Variants in FAF1 observed in about 807,000 individuals in gnomAD.
The protein encoded by FAF1 is FAS-associated factor 1.
A neutral mutation model predicts 92.5 loss-of-function variants in FAF1; 25 were observed. The observed-to-expected ratio is 0.27, with a 90% CI of 0.20 to 0.38. The LOEUF (loss-of-function observed/expected upper bound fraction) is 0.38. Ranked by LOEUF, FAF1 falls within the 10% of genes least tolerant of loss-of-function variation. The pLI is 1.00. For synonymous variants in FAF1, 234 were observed against 273.2 expected, an observed-to-expected ratio of 0.86 and a Z score of 1.42; for missense variants, 636 against 793.3, an observed-to-expected ratio of 0.80 and a Z score of 2.38.
At chr1:50,587,349 C>T (rs1651284645) in intron 9 of FAF1, among the ~76,000 whole-genome samples, 1 of 152,124 alleles carries the variant, frequency 6.6e-6, no homozygotes, top group Admixed American at 6.5e-5. Context: ...AGGGAGGTAT[C>T]TAAAAAGCCA....
rs60454536 is a variant in FAF1, at chr1:50,889,494, G to A, written c.46-31497C>T. Among the ~76,000 whole-genome samples the A allele has an allele frequency of 7.2e-3, 1,095 of 152,168 alleles. 18 individuals are homozygous for A. Among genetic ancestry groups the A allele is most frequent in the African/African-American group, 0.025 (1,023 of 41,498 alleles). On this transcript the variant is annotated intron_variant, in intron 1 of 18. Coordinates refer to ENST00000396153, the MANE Select transcript of FAF1 (RefSeq NM_007051.3). Reference sequence around the variant, plus strand: ...TTAGATCTTTCCTGCTTTCTCTTGTGGGCATTTAGTGCTATAAATTTCCCT... The same window carrying A: ...TTAGATCTTTCCTGCTTTCTCTTGTAGGCATTTAGTGCTATAAATTTCCCT...
chr1:50,767,709 A>G (rs888726264), intron 4 of FAF1, among the ~76,000 whole-genome samples: 1 of 152,218 alleles, frequency 6.6e-6, no homozygotes, highest in Non-Finnish European at 1.5e-5. Context: ...ATCCTGCCAG[A>G]TTAAGCTTCA....
chr1:50,497,619 G>A (rs1307176798), intron 15 of FAF1, among the ~76,000 whole-genome samples: 1 of 141,678 alleles, frequency 7.1e-6, no homozygotes, highest in Non-Finnish European at 1.5e-5. Context: ...TGTGATCTCG[G>A]CTCATTGCAA....
chr1:50,856,445 T>C (rs1208650705), intron 2 of FAF1, among the ~76,000 whole-genome samples: 1 of 151,788 alleles, frequency 6.6e-6, no homozygotes, highest in Non-Finnish European at 1.5e-5. Context: ...TCATGCTTTG[T>C]TGGAGTATAG....
rs1288996784 is a variant in FAF1 at position 50,441,366 on chromosome 1, T to C, written c.*74A>G. The C allele has an allele frequency of 1.2e-6, 1 of 860,634 alleles. No homozygotes were observed. The highest frequency in any genetic ancestry group is 1.8e-6 in the Non-Finnish European group (1 of 566,918). 53.3% of individuals were successfully genotyped at this position (860,634 alleles called of 1,614,324 possible). A position where few individuals can be genotyped will look rare whatever the true frequency, so the allele number is the denominator to read the frequency against. ...TGAGTGAGACGAGCGTGTGGGTGGGTTGGCGAGGAGCCCTTCTCCTGACGC... is the reference window on the plus strand; with the variant it reads ...TGAGTGAGACGAGCGTGTGGGTGGGCTGGCGAGGAGCCCTTCTCCTGACGC... On this transcript the variant is annotated 3_prime_UTR_variant, in exon 19 of 19. Coordinates refer to ENST00000396153, the MANE Select transcript of FAF1 (RefSeq NM_007051.3).
chr1:50,613,937 A>C (rs1426533134), intron 8 of FAF1, among the ~76,000 whole-genome samples: 3 of 152,086 alleles, frequency 2.0e-5, no homozygotes, highest in African/African-American at 4.8e-5. Context: ...TCTATACTAA[A>C]AATACAAAAA....
intron 1 of FAF1, among the ~76,000 whole-genome samples, chr1:50,896,112 G>T (rs1305648743): frequency 6.6e-6 from 1 of 152,084 alleles, no homozygotes; most frequent in East Asian, 1.9e-4. Context: ...AATCATCCTT[G>T]TTTGTTATCA....
At chr1:50,548,998 A>T (rs1320609422) in intron 13 of FAF1, among the ~76,000 whole-genome samples, 3 of 152,208 alleles carry the variant, frequency 2.0e-5, no homozygotes, top group Admixed American at 6.5e-5. Flanking sequence ...TGTGTGCTTC[A>T]GAGTCAAAAT....
chr1:50,471,905 A>C (rs1214493125), intron 18 of FAF1, among the ~76,000 whole-genome samples: 1 of 152,174 alleles, frequency 6.6e-6, no homozygotes, highest in Non-Finnish European at 1.5e-5. Flanking sequence ...AGGAGAAGGG[A>C]AGAATGGAAA....
rs113979341 is a variant in FAF1 at position 50,803,412 on chromosome 1, G to A, written c.115-1735C>T. Reference sequence around the variant, plus strand: ...CCCATTTATTAATTTTGTAACCTTAGTATATTCACTGAACTTATCTGAGCC... The same window carrying A: ...CCCATTTATTAATTTTGTAACCTTAATATATTCACTGAACTTATCTGAGCC... On this transcript the variant is annotated intron_variant, in intron 2 of 18. Transcript: ENST00000396153. Among the ~76,000 whole-genome samples, 465 of 152,202 alleles carry A rather than the reference G, an allele frequency of 3.1e-3. 4 individuals are homozygous for A. The highest frequency in any genetic ancestry group is 0.011 in the African/African-American group (438 of 41,534).
rs575348493 is a variant in FAF1 at position 50,730,104 on chromosome 1, A to G, written c.551+8759T>C. 2.0e-5 allele frequency among the ~76,000 whole-genome samples: 3 copies of G among 152,284 alleles called. No homozygotes were observed. The East Asian group carries it at 5.8e-4, about 29-fold the overall frequency. ...GGAGGGTGAAGGGGGTTGGAGCAGC[A>G]TGCGGAATTTTTGACAACTAATTCA... On this transcript the variant is annotated intron_variant, in intron 6 of 18. Transcript: ENST00000396153.
At position 50,959,867 on chromosome 1, in the gene FAF1, G is replaced by C; in HGVS notation, c.-56C>G. On this transcript the variant is annotated 5_prime_UTR_variant, in exon 1 of 19. Transcript: ENST00000396153. ...CGAAGCGCGCACCTGGGAGGCAGAC[G>C]GCACCTCCTGCGACCGTCGCCGCCA... is the stretch of plus-strand genomic sequence containing the variant. The C allele has an allele frequency of 7.3e-7, 1 of 1,370,290 alleles. No individual in the cohort carries two copies. The highest frequency in any genetic ancestry group is 9.8e-7 in the Non-Finnish European group (1 of 1,023,802). 84.9% of individuals were successfully genotyped at this position (1,370,290 alleles called of 1,614,324 possible). A position where few individuals can be genotyped will look rare whatever the true frequency, so the allele number is the denominator to read the frequency against.
At chr1:50,717,649 T>A (rs1010628514) in intron 6 of FAF1, among the ~76,000 whole-genome samples, 1 of 152,180 alleles carries the variant, frequency 6.6e-6, no homozygotes, top group Non-Finnish European at 1.5e-5. Flanking sequence ...CTAAAATCCC[T>A]TTTCATAGGG....
At chr1:50,584,936 A>G in intron 9 of FAF1, 125 bp from the exon 10 acceptor site, 1 of 855,224 alleles carries the variant, frequency 1.2e-6, no homozygotes, top group Admixed American at 3.0e-5. Context: ...CTCATTTGCT[A>G]GAGTAAAGCT....
intron 4 of FAF1, among the ~76,000 whole-genome samples, chr1:50,768,293 T>G (rs999355058): frequency 6.6e-6 from 1 of 152,092 alleles, no homozygotes; most frequent in Non-Finnish European, 1.5e-5. Context: ...CGGATTCATA[T>G]AGCAAGTTCT....
At chr1:50,616,480 T>C (rs1313551282) in intron 8 of FAF1, among the ~76,000 whole-genome samples, 1 of 152,166 alleles carries the variant, frequency 6.6e-6, no homozygotes, top group Non-Finnish European at 1.5e-5. Context: ...TATGAATTGT[T>C]TTTCCATTTA....
At chr1:50,536,035 A>G (rs1648463114) in intron 14 of FAF1, among the ~76,000 whole-genome samples, 1 of 152,172 alleles carries the variant, frequency 6.6e-6, no homozygotes, top group African/African-American at 2.4e-5. Flanking sequence ...ACCTCAGTCT[A>G]TTACCTTTAC....
chr1:50,924,042 A>G (rs1270822572), intron 1 of FAF1, among the ~76,000 whole-genome samples: 1 of 152,226 alleles, frequency 6.6e-6, no homozygotes, highest in Non-Finnish European at 1.5e-5. Flanking sequence ...CTGTTATTCA[A>G]CATAGTACTA....
At chr1:50,699,172 CT>C (rs1285208729) in intron 7 of FAF1, among the ~76,000 whole-genome samples, 1 of 151,946 alleles carries the variant, frequency 6.6e-6, no homozygotes, top group Non-Finnish European at 1.5e-5. Context: ...AAATTTAGAA[CT>C]ACAAAAACAT....
Sources: gnomAD v4.1 joint callset for allele counts (sites outside exome capture counted in the v4.1 genomes callset) on GRCh38, gnomAD v4.1.1 for gene constraint, MANE v1.5 for transcripts, NCBI Gene and HGNC (gene_info 2026-07-23, HGNC 2026-07-21) for gene names.